The following CLTCL1 variants were observed in gnomAD, a reference collection of about 807,000 sequenced individuals.
The protein encoded by CLTCL1 is clathrin heavy chain like 1, also known as clathrin heavy chain 2.
Under a neutral mutation model 190.0 loss-of-function variants are expected in CLTCL1, and 159 were observed. The observed-to-expected ratio is 0.84, with a 90% CI of 0.74 to 0.95. CLTCL1 has a LOEUF of 0.95. CLTCL1 is among the 40% of genes least tolerant of loss of function. The pLI is 0.00. For missense variants in CLTCL1, 1,878 were observed against 2,033.4 expected (o/e 0.92, Z 1.47); for synonymous variants, 752 against 769.6 (o/e 0.98, Z 0.38).
intron 11 of CLTCL1, among the ~76,000 whole-genome samples, chr22:19,227,449 CT>C (rs1216657802): frequency 0.011 from 1,391 of 125,316 alleles, 10 homozygotes; most frequent in African/African-American, 0.033. Context: ...CACCTGGCTA[CT>C]TTTTTTTTTT....
chr22:19,242,711 C>A, intron 4 of CLTCL1, 64 bp downstream of exon 4: 1 of 1,578,744 alleles, frequency 6.3e-7, no homozygotes, highest in Non-Finnish European at 8.7e-7. Flanking sequence ...GCCACACACA[C>A]GCACACCCCT....
chr22:19,239,139 C>T (rs2086171250), intron 5 of CLTCL1, 136 bp downstream of exon 5: 1 of 713,194 alleles, frequency 1.4e-6, no homozygotes, highest in Non-Finnish European at 2.5e-6. Context: ...AAGCCTTAGG[C>T]CTCTAAATGG....
At chr22:19,228,115 C>T (rs2085809006) in intron 11 of CLTCL1, among the ~76,000 whole-genome samples, 1 of 152,202 alleles carries the variant, frequency 6.6e-6, no homozygotes, top group African/African-American at 2.4e-5. Context: ...GCCACTGTCA[C>T]ACACCAGACC....
At chr22:19,226,458 C>A in intron 11 of CLTCL1, 75 bp from the exon 12 acceptor site, 2 of 1,565,406 alleles carry the variant, frequency 1.3e-6, no homozygotes, top group Non-Finnish European at 8.7e-7. Flanking sequence ...TCAATCTTGC[C>A]CCAGGGTAGG....
At chr22:19,252,423 T>A (rs1054688186) in intron 3 of CLTCL1, among the ~76,000 whole-genome samples, 32 of 152,202 alleles carry the variant, frequency 2.1e-4, no homozygotes, top group Admixed American at 1.9e-3. Flanking sequence ...TTCTCCTCCA[T>A]TCTGTGCCTT....
At position 19,221,458 on chromosome 22, in the gene CLTCL1, C is replaced by T; in HGVS notation, c.2715G>A (p.Val905=). ...RENAYYDSSV[V]GRYCEKRDPH... is the part of the protein sequence containing the mutation. Reference sequence around the variant, plus strand: ...GGTCTCGCTTCTCACAGTAGCGGCCCACCACGCTGCTGTCATAGTAGGCAT... The same window carrying T: ...GGTCTCGCTTCTCACAGTAGCGGCCTACCACGCTGCTGTCATAGTAGGCAT... The change falls in exon 17 of 33, where the codon GTG becomes GTA. Residue 905 remains valine (V), a synonymous_variant. Coordinates refer to ENST00000427926, the MANE Select transcript of CLTCL1 (RefSeq NM_007098.4). The T allele has an allele frequency of 6.3e-7, 1 of 1,582,226 alleles. No individual in the cohort carries two copies. The highest frequency in any genetic ancestry group is 8.6e-7 in the Non-Finnish European group (1 of 1,163,772).
At position 19,196,376 on chromosome 22, in the gene CLTCL1, G is replaced by T. The variant is rs782245729; in HGVS notation, c.4081C>A (p.Leu1361Met). The T allele has an allele frequency of 6.2e-6, 10 of 1,614,058 alleles. No individual in the cohort carries two copies. In the South Asian group the frequency reaches 1.1e-4, roughly 18 times the overall value. Reference sequence around the variant, plus strand: ...TCGTACTTGTCATAGAGGAACACCAGCTCAGCCCACAGGTGTGCCTGCTCT... The same window carrying T: ...TCGTACTTGTCATAGAGGAACACCATCTCAGCCCACAGGTGTGCCTGCTCT... ...AAEQAHLWAE[L>M]VFLYDKYEEY... The change falls in exon 26 of 33, where the codon CTG becomes ATG. Residue 1361 changes from leucine to methionine, a missense_variant. Coordinates refer to ENST00000427926, the MANE Select transcript of CLTCL1 (RefSeq NM_007098.4).
In CLTCL1 at chr22:19,275,717, GATCGTGACCTGTGCCTGCTC is replaced by G. The variant is rs2087478741; in HGVS notation, c.136_155del (p.Glu46HisfsTer2). 2 of 1,607,520 alleles carry G rather than the reference GATCGTGACCTGTGCCTGCTC, an allele frequency of 1.2e-6. No individual in the cohort carries two copies. Among genetic ancestry groups the G allele is most frequent in the Admixed American group, 3.4e-5 (2 of 58,992 alleles). On this transcript the variant is annotated frameshift_variant, in exon 2 of 33. Transcript: ENST00000427926. LOFTEE classifies it high-confidence loss of function. ...GAGCCATTGGGTCACTCATGTCAAT[GATCGTGACCTGTGCCTGCTC>G]ACCAACTTTCTCTCGGATACATATG...
intron 2 of CLTCL1, among the ~76,000 whole-genome samples, chr22:19,273,393 TTGAAG>T (rs771816533): frequency 2.0e-5 from 3 of 152,282 alleles, no homozygotes; most frequent in Non-Finnish European, 1.5e-5. Context: ...CATGTTATAG[TTGAAG>T]TGATCTATAT....
chr22:19,190,596 C>CAAAAAA lies in CLTCL1; in HGVS notation c.4323+702_4323+707dup, dbSNP rs55780206. On this transcript the variant is annotated intron_variant, in intron 27 of 32. Coordinates refer to ENST00000427926, the MANE Select transcript of CLTCL1 (RefSeq NM_007098.4). ...CCTGGGCAACAGAGCAAGACTGTCT[C>CAAAAAA]AAAAAAAAAAAAAAAAAAAAAAAGA... is the stretch of plus-strand genomic sequence containing the variant. Among the ~76,000 whole-genome samples, 76 of 72,808 alleles carry CAAAAAA rather than the reference C, an allele frequency of 1.0e-3. 1 individual carries two copies. The highest frequency in any genetic ancestry group is 3.9e-3 in the African/African-American group (72 of 18,326). 47.8% of individuals were successfully genotyped at this position (72,808 alleles called of 152,430 possible). A position where few individuals can be genotyped will look rare whatever the true frequency, so the allele number is the denominator to read the frequency against.
At chr22:19,227,190 A>T (rs5993562) in intron 11 of CLTCL1, among the ~76,000 whole-genome samples, 1 of 151,930 alleles carries the variant, frequency 6.6e-6, no homozygotes, top group Non-Finnish European at 1.5e-5. Context: ...AGACTTCTCT[A>T]CTAGGCTAAA....
chr22:19,180,910 G>C (rs781997587), intron 30 of CLTCL1, 104 bp from the exon 31 acceptor site: 1 of 939,636 alleles, frequency 1.1e-6, no homozygotes, highest in Non-Finnish European at 1.7e-6. Flanking sequence ...CCAGGAGAAT[G>C]ACAGTGGAGG....
At chr22:19,186,942 C>CT (rs34819932) in intron 29 of CLTCL1, among the ~76,000 whole-genome samples, 99,273 of 145,092 alleles carry the variant, frequency 0.68, 35,106 homozygotes, top group East Asian at 0.89. Flanking sequence ...TTCCTCAAAT[C>CT]TTTTTTTTTT....
chr22:19,257,065 A>G (rs1555972959), intron 2 of CLTCL1, among the ~76,000 whole-genome samples: 1 of 152,180 alleles, frequency 6.6e-6, no homozygotes, highest in East Asian at 1.9e-4. Flanking sequence ...AGGCCCAAAC[A>G]CATTTTTTAT....
intron 29 of CLTCL1, among the ~76,000 whole-genome samples, chr22:19,185,647 C>T (rs1207501366): frequency 6.6e-6 from 1 of 152,234 alleles, no homozygotes; most frequent in African/African-American, 2.4e-5. Flanking sequence ...CACTTTCTAT[C>T]TGTGGCTTTG....
intron 9 of CLTCL1, 68 bp from the exon 10 acceptor site, chr22:19,232,666 C>A (rs1555959693): frequency 6.5e-7 from 1 of 1,533,616 alleles, no homozygotes; most frequent in African/African-American, 1.4e-5. Flanking sequence ...AGGAAGTTAT[C>A]CATCCTTTGT....
intron 3 of CLTCL1, among the ~76,000 whole-genome samples, chr22:19,243,491 C>G (rs551044665): frequency 1.3e-5 from 2 of 151,884 alleles, no homozygotes; most frequent in Non-Finnish European, 2.9e-5. Context: ...TGGTGGCATG[C>G]GCCTGTTGTC....
chr22:19,180,902 A>C lies in CLTCL1; in HGVS notation c.4828-96T>G. 3 of 1,052,618 alleles carry C rather than the reference A, an allele frequency of 2.9e-6. No homozygotes were observed. The East Asian group carries it at 7.1e-5, about 25-fold the overall frequency. 65.2% of individuals were successfully genotyped at this position (1,052,618 alleles called of 1,614,324 possible). On this transcript the variant is annotated intron_variant, in intron 30 of 32. Transcript: ENST00000427926. ...TGGAAGGTCAGGACACAGGGCCTCC[A>C]GGAGAATGACAGTGGAGGAGGTGCA...
At chr22:19,258,038 G>A (rs2086821842) in intron 2 of CLTCL1, 7 of 480,636 alleles carry the variant, frequency 1.5e-5, no homozygotes, top group South Asian at 1.1e-4. Flanking sequence ...GACAGAGCTG[G>A]CCATGCACCA....
Sources: allele counts gnomAD v4.1 joint callset (sites outside exome capture counted in the v4.1 genomes callset), GRCh38; gene constraint gnomAD v4.1.1; transcripts MANE v1.5; gene names NCBI Gene and HGNC (gene_info 2026-07-23, HGNC 2026-07-21).